The following SCNN1G variants were observed in gnomAD, a reference collection of about 807,000 sequenced individuals.
SCNN1G encodes the protein epithelial sodium channel subunit gamma.
Under a neutral mutation model 64.6 loss-of-function variants are expected in SCNN1G, and 27 were observed. The ratio of observed to expected loss-of-function variants is 0.42; its 90% CI spans 0.31 to 0.58. The LOEUF (loss-of-function observed/expected upper bound fraction) is 0.58. Ranked by LOEUF, SCNN1G falls within the 20% of genes least tolerant of loss-of-function variation. The pLI is 0.18. For missense variants in SCNN1G, 743 were observed against 823.4 expected, an observed-to-expected ratio of 0.90 and a Z score of 1.19; for synonymous variants, 330 against 314.2, an observed-to-expected ratio of 1.05 and a Z score of -0.53.
chr16:23,198,594 C>T (rs985874797), intron 6 of SCNN1G, among the ~76,000 whole-genome samples: 1 of 151,320 alleles, frequency 6.6e-6, no homozygotes. Flanking sequence ...AAAAAATCAC[C>T]AGGCATGGTG....
At chr16:23,208,382 G>C (rs1308210086) in intron 6 of SCNN1G, among the ~76,000 whole-genome samples, 1 of 152,110 alleles carries the variant, frequency 6.6e-6, no homozygotes, top group Non-Finnish European at 1.5e-5. Context: ...ATTGAATAAG[G>C]ATTTTGAATT....
intron 4 of SCNN1G, 50 bp downstream of exon 4, chr16:23,192,592 G>A (rs750603462): frequency 6.7e-7 from 1 of 1,481,482 alleles, no homozygotes; most frequent in Non-Finnish European, 9.3e-7. Flanking sequence ...GCAGCTCTGA[G>A]TACCAGGCCC....
intron 7 of SCNN1G, among the ~76,000 whole-genome samples, chr16:23,210,719 G>T (rs1218583649): frequency 6.6e-6 from 1 of 152,120 alleles, no homozygotes. Context: ...GCTGAGAGGT[G>T]GTGTAGACAC....
chr16:23,188,875 C>T (rs555293098), intron 2 of SCNN1G, among the ~76,000 whole-genome samples: 14 of 152,234 alleles, frequency 9.2e-5, no homozygotes, highest in African/African-American at 3.1e-4. Flanking sequence ...TCCTTTATAA[C>T]TATTTTGTGT....
chr16:23,195,294 C>T (rs1959777672), intron 5 of SCNN1G, among the ~76,000 whole-genome samples: 1 of 152,182 alleles, frequency 6.6e-6, no homozygotes, highest in Non-Finnish European at 1.5e-5. Context: ...TACCAGTCTA[C>T]CACCATTGCT....
intron 6 of SCNN1G, among the ~76,000 whole-genome samples, chr16:23,198,968 T>C (rs186078568): frequency 5.3e-4 from 80 of 151,434 alleles, no homozygotes; most frequent in Middle Eastern, 3.4e-3. Context: ...TGGGGAGGAG[T>C]GCTTGAGCCC....
chr16:23,213,219 T>A, intron 11 of SCNN1G, 56 bp downstream of exon 11: 2 of 1,226,912 alleles, frequency 1.6e-6, no homozygotes, highest in Non-Finnish European at 2.4e-6. Flanking sequence ...CCCAGCCTTC[T>A]CACTTGCTTC....
At position 23,186,612 on chromosome 16, in the gene SCNN1G, G is replaced by C. The variant is rs72646489; in HGVS notation, c.317+24G>C. ...AAGTAAGAGGCATGAGCAGGGAAAC[G>C]CGAGTAGGGAGCCAGGCCCCCCACA... On this transcript the variant is annotated intron_variant, in intron 2 of 12. Coordinates refer to ENST00000300061, the MANE Select transcript of SCNN1G (RefSeq NM_001039.4). 21 of 1,601,108 alleles carry C rather than the reference G, an allele frequency of 1.3e-5. No homozygotes were observed. The South Asian group carries it at 2.2e-4, about 17-fold the overall frequency.
In SCNN1G at chr16:23,186,415, C is replaced by A; in HGVS notation, c.144C>A (p.Arg48=). 6.2e-7 allele frequency: 1 copy of A among 1,614,240 alleles called. No individual in the cohort carries two copies. ...GCTGTCGCCGCATCGTGGTGTCCCGCGGCCGTCTGCGCCGCCTCCTCTGGA... is the reference window on the plus strand; with the variant it reads ...GCTGTCGCCGCATCGTGGTGTCCCGAGGCCGTCTGCGCCGCCTCCTCTGGA... ...THGCRRIVVS[R]GRLRRLLWIG... The change falls in exon 2 of 13, where the codon CGC becomes CGA. Residue 48 remains arginine, a synonymous_variant. Transcript: ENST00000300061.
intron 4 of SCNN1G, 74 bp downstream of exon 4, chr16:23,192,616 A>ATCATCAAGGCTGTAGGTTC: frequency 1.6e-6 from 2 of 1,265,550 alleles, no homozygotes; most frequent in Non-Finnish European, 2.3e-6. Flanking sequence ...GCAGGAACCT[A>ATCATCAAGGCTGTAGGTTC]CAGCCTTGAT....
chr16:23,188,417 T>C (rs1453815896), intron 2 of SCNN1G, among the ~76,000 whole-genome samples: 3 of 152,012 alleles, frequency 2.0e-5, no homozygotes, highest in Non-Finnish European at 4.4e-5. Context: ...GAGGCTGAAG[T>C]GGGAGGATTG....
At chr16:23,190,574 C>G (rs973923889) in intron 3 of SCNN1G, among the ~76,000 whole-genome samples, 14 of 152,168 alleles carry the variant, frequency 9.2e-5, no homozygotes, top group African/African-American at 3.1e-4. Context: ...CAAATTCCAT[C>G]TTGGGACTAT....
At chr16:23,204,332 T>TAGAGAG (rs1275220740) in intron 6 of SCNN1G, among the ~76,000 whole-genome samples, 8 of 25,136 alleles carry the variant, frequency 3.2e-4, no homozygotes, top group Non-Finnish European at 3.5e-4. Context: ...TATATATATA[T>TAGAGAG]ATAGAGAGAG....
At chr16:23,207,108 A>G (rs1042497786) in intron 6 of SCNN1G, among the ~76,000 whole-genome samples, 4 of 152,212 alleles carry the variant, frequency 2.6e-5, no homozygotes, top group Admixed American at 2.6e-4. Flanking sequence ...TCGTTGCAGA[A>G]TGAAGGGCCA....
At chr16:23,185,409 G>A (rs963523198) in intron 1 of SCNN1G, among the ~76,000 whole-genome samples, 1 of 152,156 alleles carries the variant, frequency 6.6e-6, no homozygotes, top group African/African-American at 2.4e-5. Context: ...TAGTTGAGAT[G>A]CATCGTGCAC....
chr16:23,196,607 G>A (rs1283138816), intron 5 of SCNN1G: 3 of 154,882 alleles, frequency 1.9e-5, no homozygotes, highest in Non-Finnish European at 4.3e-5. Context: ...GTAAACAAGG[G>A]CAATTGGTAA....
intron 12 of SCNN1G, 132 bp from the exon 13 acceptor site, chr16:23,214,957 G>C (rs1304038700): frequency 1.7e-6 from 2 of 1,191,378 alleles, no homozygotes; most frequent in Non-Finnish European, 2.5e-6. Flanking sequence ...AAACAGGAAG[G>C]CTGCCTGCTT....
chr16:23,208,397 G>A (rs1296634886), intron 6 of SCNN1G, among the ~76,000 whole-genome samples: 1 of 152,070 alleles, frequency 6.6e-6, no homozygotes, highest in African/African-American at 2.4e-5. Context: ...TGAATTTTGA[G>A]TGACAATGCT....
Position 23,186,343 on chromosome 16 carries a change from C to A in SCNN1G, c.72C>A (p.Thr24=), listed in dbSNP as rs781652545. Residue 24 remains threonine, a synonymous_variant, in exon 2 of 13, where the codon ACC becomes ACA. Transcript: ENST00000300061. ...CCGTGACGGGCCCTCAGGCGCCGAC[C>A]ATTAAAGAGCTGATGCGGTGGTACT... ...NLPVTGPQAP[T]IKELMRWYCL... is the part of the protein sequence containing the mutation. 11 of 1,614,248 alleles carry A rather than the reference C, an allele frequency of 6.8e-6. No homozygotes were observed. Among genetic ancestry groups the A allele is most frequent in the Non-Finnish European group, 9.3e-6 (11 of 1,180,050 alleles).
Sources: gnomAD v4.1 joint callset for allele counts (sites outside exome capture counted in the v4.1 genomes callset) on GRCh38, gnomAD v4.1.1 for gene constraint, MANE v1.5 for transcripts, NCBI Gene and HGNC (gene_info 2026-07-23, HGNC 2026-07-21) for gene names.